The following KIAA2012 variants were observed in gnomAD, a reference collection of about 807,000 sequenced individuals.
KIAA2012 encodes the protein uncharacterized protein KIAA2012.
KIAA2012 carries 125 observed loss-of-function variants against 150.6 expected under a neutral mutation model. That is an observed-to-expected ratio of 0.83 (90% CI 0.72 to 0.96). The LOEUF is 0.96. Ranked by LOEUF, KIAA2012 falls within the 40% of genes least tolerant of loss-of-function variation. KIAA2012 has a pLI of 0.00. For missense variants in KIAA2012, 1,219 were observed against 1,354.9 expected, an observed-to-expected ratio of 0.90 and a Z score of 1.57; for synonymous variants, 462 against 504.7, an observed-to-expected ratio of 0.92 and a Z score of 1.13.
intron 15 of KIAA2012, among the ~76,000 whole-genome samples, chr2:202,180,890 A>G (rs1348828848): frequency 6.6e-6 from 1 of 152,234 alleles, no homozygotes; most frequent in Admixed American, 6.5e-5. Context: ...GTTATAAAAA[A>G]TAGAAGCGAT....
chr2:202,148,690 G>A (rs1691355012), intron 13 of KIAA2012, among the ~76,000 whole-genome samples: 1 of 152,170 alleles, frequency 6.6e-6, no homozygotes, highest in African/African-American at 2.4e-5. Flanking sequence ...CTGGGTTGCT[G>A]AGCTGAGATC....
At chr2:202,103,205 C>T in intron 8 of KIAA2012, 91 bp downstream of exon 8, 2 of 1,226,520 alleles carry the variant, frequency 1.6e-6, no homozygotes, top group South Asian at 3.1e-5. Flanking sequence ...GGCTGACGTT[C>T]CCTATGGTCA....
At chr2:202,132,743 A>AGG (rs1690972268) in intron 12 of KIAA2012, among the ~76,000 whole-genome samples, 1 of 111,620 alleles carries the variant, frequency 9.0e-6, no homozygotes, top group Non-Finnish European at 1.7e-5. Flanking sequence ...ATATGTATAT[A>AGG]TATAGTATAT....
chr2:202,183,476 ATTTT>A (rs71406950), intron 15 of KIAA2012, among the ~76,000 whole-genome samples: 2 of 95,830 alleles, frequency 2.1e-5, no homozygotes, highest in Admixed American at 1.6e-4. Flanking sequence ...GGTTTTTTAA[ATTTT>A]TTTTTTTTTT....
At chr2:202,093,254 T>C in intron 4 of KIAA2012, 69 bp downstream of exon 4, 1 of 1,477,338 alleles carries the variant, frequency 6.8e-7, no homozygotes, top group Non-Finnish European at 9.2e-7. Context: ...CACCTTAAAA[T>C]GGCATTTCCC....
At position 202,153,599 on chromosome 2, in the gene KIAA2012, C is replaced by CT. The variant is rs368104470; in HGVS notation, c.1909-1072dup. ...TCTCTGCTTAAAATTGCAGCCTCCACTTCCATCCCCAGCTATTCCCTCAGC... is the reference window on the plus strand; with the variant it reads ...TCTCTGCTTAAAATTGCAGCCTCCACTTTCCATCCCCAGCTATTCCCTCAGC... On this transcript the variant is annotated intron_variant, in intron 13 of 23. Transcript: ENST00000498697. Among the ~76,000 whole-genome samples, 54 of 152,350 alleles carry CT rather than the reference C, an allele frequency of 3.5e-4. 1 individual carries two copies. Among genetic ancestry groups the CT allele is most frequent in the African/African-American group, 7.2e-4 (30 of 41,576 alleles).
At chr2:202,111,508 TC>T (rs60404743) in intron 10 of KIAA2012, among the ~76,000 whole-genome samples, 2,996 of 34,042 alleles carry the variant, frequency 0.088, 201 homozygotes, top group African/African-American at 0.29. Flanking sequence ...AGACTCTGTC[TC>T]AAAAAAAAAA....
At chr2:202,077,446 C>T (rs1179196452) in intron 2 of KIAA2012, among the ~76,000 whole-genome samples, 1 of 151,922 alleles carries the variant, frequency 6.6e-6, no homozygotes, top group East Asian at 1.9e-4. Context: ...TATATTTGGG[C>T]TCAATGAAAA....
At chr2:202,179,141 A>G (rs1692062806) in intron 15 of KIAA2012, 7 of 466,154 alleles carry the variant, frequency 1.5e-5, no homozygotes, top group Non-Finnish European at 2.8e-5. Context: ...GTTTTGTTTT[A>G]ATATTCATCT....
chr2:202,200,418 C>T (rs1240700251), intron 22 of KIAA2012, among the ~76,000 whole-genome samples: 2 of 152,018 alleles, frequency 1.3e-5, no homozygotes, highest in African/African-American at 2.4e-5. Flanking sequence ...GCAGAAGTAA[C>T]GGGATCTGTG....
chr2:202,145,678 C>CTTTTTTTTTTTTTTTTT, intron 13 of KIAA2012, among the ~76,000 whole-genome samples: 1 of 75,310 alleles, frequency 1.3e-5, no homozygotes. Flanking sequence ...TTGAGAGGGT[C>CTTTTTTTTTTTTTTTTT]TTTTTTTTTT....
intron 21 of KIAA2012, among the ~76,000 whole-genome samples, chr2:202,196,193 T>C (rs1387945292): frequency 6.1e-5 from 8 of 130,364 alleles, no homozygotes; most frequent in Middle Eastern, 3.6e-3. Flanking sequence ...TTTCTTTTTT[T>C]TTTTTTTTTT....
chr2:202,162,946 A>G (rs909539906), intron 14 of KIAA2012, among the ~76,000 whole-genome samples: 55 of 143,484 alleles, frequency 3.8e-4, no homozygotes, highest in Middle Eastern at 3.5e-3. Context: ...AAAAAAAAAA[A>G]AGAGATGCTT....
intron 2 of KIAA2012, among the ~76,000 whole-genome samples, chr2:202,082,366 C>G (rs895997218): frequency 6.6e-6 from 1 of 152,060 alleles, no homozygotes; most frequent in Admixed American, 6.5e-5. Flanking sequence ...GTCTCTCTCT[C>G]TCAAAGAGAG....
intron 12 of KIAA2012, among the ~76,000 whole-genome samples, chr2:202,133,297 C>T (rs371546019): frequency 1.3e-5 from 2 of 150,890 alleles, no homozygotes; most frequent in African/African-American, 2.4e-5. Flanking sequence ...GAGGGTTTCT[C>T]GCGTGGTTGA....
Position 202,073,815 on chromosome 2 carries a change from G to A in KIAA2012, c.84+104G>A, listed in dbSNP as rs73050999. On this transcript the variant is annotated intron_variant, in intron 1 of 23. Coordinates refer to ENST00000498697, the MANE Select transcript of KIAA2012 (RefSeq NM_001277372.4). ...ATGTGTGTCTTGGTTTGTGTTGTTA[G>A]TGAGGTGGCGGGGTCACTGGAAGAT... The A allele has an allele frequency of 3.0e-3, 2,935 of 964,650 alleles. 65 individuals are homozygous for A. The African/African-American group carries it at 0.041, about 13-fold the overall frequency. 59.8% of individuals were successfully genotyped at this position (964,650 alleles called of 1,614,324 possible). A position where few individuals can be genotyped will look rare whatever the true frequency, so the allele number is the denominator to read the frequency against.
intron 10 of KIAA2012, among the ~76,000 whole-genome samples, chr2:202,111,688 T>A (rs1316367364): frequency 6.6e-6 from 1 of 152,166 alleles, no homozygotes; most frequent in African/African-American, 2.4e-5. Flanking sequence ...CATGTCATTG[T>A]GCACATCTAT....
chr2:202,120,204 C>T (rs899092149), intron 11 of KIAA2012, among the ~76,000 whole-genome samples: 1 of 152,238 alleles, frequency 6.6e-6, no homozygotes, highest in South Asian at 2.1e-4. Flanking sequence ...AGTGCGATCC[C>T]GTCTCTGCAA....
intron 1 of KIAA2012, among the ~76,000 whole-genome samples, chr2:202,074,371 T>C (rs564502005): frequency 6.6e-6 from 1 of 152,194 alleles, no homozygotes. Context: ...AGGACCTGTA[T>C]GGCCAATGGC....
Sources: allele counts gnomAD v4.1 joint callset (sites outside exome capture counted in the v4.1 genomes callset), GRCh38; gene constraint gnomAD v4.1.1; transcripts MANE v1.5; gene names NCBI Gene and HGNC (gene_info 2026-07-23, HGNC 2026-07-21).